The following OR2J1 variants were observed in gnomAD, a reference collection of about 807,000 sequenced individuals.
OR2J1 encodes the protein olfactory receptor family 2 subfamily J member 1.
OR2J1 carries 10 observed loss-of-function variants against 10.2 expected under a neutral mutation model. That is an observed-to-expected ratio of 0.98 (90% CI 0.60 to 1.66). The LOEUF (loss-of-function observed/expected upper bound fraction) is 1.66, where lower values mean the gene tolerates loss of function less well. Ranked by LOEUF, OR2J1 falls within the 40% of genes most tolerant of loss-of-function variation. The pLI is 0.00. For missense variants in OR2J1, 317 were observed against 379.4 expected (o/e 0.84, Z 1.37); for synonymous variants, 143 against 138.8 (o/e 1.03, Z -0.21).
rs747456538 is a variant in OR2J1, at chr6:29,101,781, C to G, written c.839C>G (p.Thr280Ser). The G allele has an allele frequency of 2.5e-6, 4 of 1,609,176 alleles. No individual in the cohort carries two copies. Among genetic ancestry groups the G allele is most frequent in the Non-Finnish European group, 3.4e-6 (4 of 1,175,460 alleles). ...GGCAAGTTCATTGCCCTCTTTTACA[C>G]TGTTGTCACACCTAGTCTTAACCCT... ...DQGKFIALFY[T>S]VVTPSLNPLI... Residue 280 changes from threonine to serine, a missense_variant, in exon 2 of 2, where the codon ACT (threonine) becomes AGT (serine). Physicochemically the swap from Thr to Ser is moderately conservative, Grantham distance 58. Coordinates refer to ENST00000641659, the MANE Select transcript of OR2J1 (RefSeq NM_001348294.2).
At position 29,101,272 on chromosome 6, in the gene OR2J1, C is replaced by T. The variant is rs571295086; in HGVS notation, c.330C>T (p.Thr110=). Residue 110 remains threonine (T), a synonymous_variant, in exon 2 of 2, where the codon ACC becomes ACT. Transcript: ENST00000641659. ...VQLYFVLALG[T]AECVLLVVMS... ...TTTACTTTGTTCTCGCACTGGGAAC[C>T]GCAGAGTGTGTCCTACTGGTGGTGA... The T allele has an allele frequency of 1.0e-5, 16 of 1,600,994 alleles. No individual in the cohort carries two copies. The highest frequency in any genetic ancestry group is 3.3e-5 in the South Asian group (3 of 90,766).
Position 29,101,995 on chromosome 6 carries a change from G to C in OR2J1, c.*114G>C. ...CTAACAGCTCACAAAACATGGAATA[G>C]TTCAGTTCCCCCATTTGTTGCTCTG... On this transcript the variant is annotated 3_prime_UTR_variant, in exon 2 of 2. Transcript: ENST00000641659. 1 of 598,800 alleles carries C rather than the reference G, an allele frequency of 1.7e-6. No homozygotes were observed. The highest frequency in any genetic ancestry group is 2.1e-5 in the South Asian group (1 of 47,178). The allele number at this position is 598,800 out of a possible 1,614,324, so 37.1% of individuals were successfully genotyped here. A position where few individuals can be genotyped will look rare whatever the true frequency, so the allele number is the denominator to read the frequency against.
At position 29,101,120 on chromosome 6, in the gene OR2J1, ATG is replaced by A. The variant is rs776482055; in HGVS notation, c.180_181del (p.Met60IlefsTer62). Reference protein sequence around the residue: ...SYLDSHLHTPMYFFLSNLSFL... With the variant: ...SYLDSHLHTPXYFFLSNLSFL... ...CCTGGACTCCCATCTCCACACTCCC[ATG>A]TACTTCTTCCTTTCAAATCTCTCAT... is the stretch of plus-strand genomic sequence containing the variant. On this transcript the variant is annotated frameshift_variant, in exon 2 of 2. Coordinates refer to ENST00000641659, the MANE Select transcript of OR2J1 (RefSeq NM_001348294.2). LOFTEE classifies it low-confidence loss of function (END_TRUNC). 24 of 1,569,364 alleles carry A rather than the reference ATG, an allele frequency of 1.5e-5. No homozygotes were observed. The South Asian group carries it at 2.4e-4, about 16-fold the overall frequency.
chr6:29,102,492 G>T lies in OR2J1; in HGVS notation c.*611G>T, dbSNP rs1761699188. ...CAGTAAACTAATATCTCTTTAAAAT[G>T]GCTGATTCGTTCATCTGTCCATTTA... is the stretch of plus-strand genomic sequence containing the variant. On this transcript the variant is annotated 3_prime_UTR_variant, in exon 2 of 2. Coordinates refer to ENST00000641659, the MANE Select transcript of OR2J1 (RefSeq NM_001348294.2). 1 of 152,130 alleles carries T rather than the reference G, an allele frequency of 6.6e-6. No individual in the cohort carries two copies. Among genetic ancestry groups the T allele is most frequent in the Non-Finnish European group, 1.5e-5 (1 of 68,042 alleles). The allele number at this position is 152,130 out of a possible 1,614,324, so 9.4% of individuals were successfully genotyped here. A position where few individuals can be genotyped will look rare whatever the true frequency, so the allele number is the denominator to read the frequency against.
Position 29,101,867 on chromosome 6 carries a change from G to T in OR2J1, c.925G>T (p.Glu309Ter), listed in dbSNP as rs764415057. 44 of 1,261,100 alleles carry T rather than the reference G, an allele frequency of 3.5e-5. No homozygotes were observed. The highest frequency in any genetic ancestry group is 1.9e-4 in the Middle Eastern group (1 of 5,358). The allele number at this position is 1,261,100 out of a possible 1,614,324, so 78.1% of individuals were successfully genotyped here. Residue 309 changes from glutamate to a stop codon, truncating the protein, a stop_gained, in exon 2 of 2, where the codon GAA (glutamate) becomes TAA (stop). Transcript: ENST00000641659. LOFTEE classifies it high-confidence loss of function. ...RGAVKRLMGW[E>*]WGM ...GGCAGTGAAGAGACTAATGGGGTGG[G>T]AATGGGGGATGTGACAGGGAAATCA...
chr6:29,100,643 T>C (rs1761537499), intron 1 of OR2J1, 117 bp from the exon 2 acceptor site: 1 of 207,470 alleles, frequency 4.8e-6, no homozygotes, highest in African/African-American at 2.3e-5. Flanking sequence ...AAAATTATTT[T>C]CTTAAATATT....
rs747649322 is a variant in OR2J1, at chr6:29,099,524, A to C, written c.-518A>C. 7.2e-5 allele frequency: 11 copies of C among 152,144 alleles called. No homozygotes were observed. The highest frequency in any genetic ancestry group is 2.1e-4 in the South Asian group (1 of 4,832). 9.4% of individuals were successfully genotyped at this position (152,144 alleles called of 1,614,324 possible). ...AGTAAGGAAGTCAGGCAGCTGCATT[A>C]GGAAAGAAAATTATACCTGCATTAG... On this transcript the variant is annotated 5_prime_UTR_variant, in exon 1 of 2. Transcript: ENST00000641659.
chr6:29,100,506 C>G (rs766133754), intron 1 of OR2J1: 46 of 153,410 alleles, frequency 3.0e-4, no homozygotes, highest in Admixed American at 1.3e-3. Context: ...CCTAATTGCT[C>G]TTTAACATGG....
chr6:29,101,329 A>T lies in OR2J1; in HGVS notation c.387A>T (p.Arg129Ser), dbSNP rs567441888. Residue 129 changes from arginine (R) to serine (S), a missense_variant, in exon 2 of 2, where the codon AGA (arginine) becomes AGT (serine). Physicochemically the swap from Arg to Ser is moderately radical, Grantham distance 110. Transcript: ENST00000641659. ...MSYDRYAAVC[R>S]PLHYTVLMHP... Reference sequence around the variant, plus strand: ...ATGATCGTTATGCAGCTGTGTGTAGACCTTTGCATTACACTGTCCTCATGC... The same window carrying T: ...ATGATCGTTATGCAGCTGTGTGTAGTCCTTTGCATTACACTGTCCTCATGC... 71 of 1,602,548 alleles carry T rather than the reference A, an allele frequency of 4.4e-5. 1 individual carries two copies. In the African/African-American group the frequency reaches 9.2e-4, roughly 21 times the overall value.
In OR2J1 at chr6:29,101,502, G is replaced by A. The variant is rs774927957; in HGVS notation, c.560G>A (p.Arg187Gln). Reference sequence around the variant, plus strand: ...TTCTGTGAAGTTCCAGCACTTCTGCGATTATCATGTGTTGATACCCAGGCA... The same window carrying A: ...TTCTGTGAAGTTCCAGCACTTCTGCAATTATCATGTGTTGATACCCAGGCA... Reference protein sequence around the residue: ...HFFCEVPALLRLSCVDTQANE... With the variant: ...HFFCEVPALLQLSCVDTQANE... The change falls in exon 2 of 2, where the codon CGA becomes CAA. Residue 187 changes from arginine to glutamine, a missense_variant. Arg to Gln is a conservative substitution (Grantham distance 43). Transcript: ENST00000641659. The A allele has an allele frequency of 7.9e-6, 12 of 1,522,426 alleles. No individual in the cohort carries two copies. The African/African-American group carries it at 9.5e-5, about 12-fold the overall frequency. The allele number at this position is 1,522,426 out of a possible 1,614,324, so 94.3% of individuals were successfully genotyped here.
rs1376420471 is a variant in OR2J1 at position 29,102,146 on chromosome 6, G to A, written c.*265G>A. ...CTGTGGTTTCAACATAAATAAATGT[G>A]TGTGTGAATAATTATGAGGAGATTA... is the stretch of plus-strand genomic sequence containing the variant. On this transcript the variant is annotated 3_prime_UTR_variant, in exon 2 of 2. Transcript: ENST00000641659. 1 of 382,892 alleles carries A rather than the reference G, an allele frequency of 2.6e-6. No homozygotes were observed. Among genetic ancestry groups the A allele is most frequent in the Non-Finnish European group, 4.6e-6 (1 of 215,628 alleles). 23.7% of individuals were successfully genotyped at this position (382,892 alleles called of 1,614,324 possible). A position where few individuals can be genotyped will look rare whatever the true frequency, so the allele number is the denominator to read the frequency against.
chr6:29,100,194 G>A (rs962904575), intron 1 of OR2J1, among the ~76,000 whole-genome samples: 6 of 152,080 alleles, frequency 3.9e-5, no homozygotes, highest in South Asian at 4.1e-4. Context: ...TACACCTCCC[G>A]GTGTTTTTGT....
At position 29,101,207 on chromosome 6, in the gene OR2J1, C is replaced by G; in HGVS notation, c.265C>G (p.Pro89Ala). 1.3e-6 allele frequency: 2 copies of G among 1,596,760 alleles called. No homozygotes were observed. The highest frequency in any genetic ancestry group is 1.1e-5 in the South Asian group (1 of 90,672). Residue 89 changes from proline to alanine, a missense_variant, in exon 2 of 2, where the codon CCG (proline) becomes GCG (alanine). Physicochemically the swap from Pro to Ala is conservative, Grantham distance 27. Transcript: ENST00000641659. ...TCAGTTGCTGGTGAATCTCTGGGGC[C>G]CGGAAAAGACCATCTCTTATGCTGG... ...IPQLLVNLWG[P>A]EKTISYAGCT... is the part of the protein sequence containing the mutation.
Position 29,101,693 on chromosome 6 carries a change from C to G in OR2J1, c.751C>G (p.Leu251Val), listed in dbSNP as rs1015514519. ...TCGAHLMVVS[L>V]FFIPVMCMYL... is the part of the protein sequence containing the mutation. ...TGGAGCCCATCTTATGGTTGTATCT[C>G]TCTTTTTCATTCCAGTCATGTGCAT... The change falls in exon 2 of 2, where the codon CTC becomes GTC. Residue 251 changes from leucine to valine, a missense_variant. Leu to Val is a conservative substitution (Grantham distance 32, BLOSUM62 1). Coordinates refer to ENST00000641659, the MANE Select transcript of OR2J1 (RefSeq NM_001348294.2). 1.5e-5 allele frequency: 24 copies of G among 1,613,662 alleles called. No individual in the cohort carries two copies. The highest frequency in any genetic ancestry group is 2.0e-5 in the Non-Finnish European group (24 of 1,179,682).
At position 29,099,506 on chromosome 6, in the gene OR2J1, AAGTC is replaced by A. The variant is rs1761459540; in HGVS notation, c.-533_-530del. ...TCACCTTTTAATTACTGTAGTAAGG[AAGTC>A]AGGCAGCTGCATTAGGAAAGAAAAT... is the stretch of plus-strand genomic sequence containing the variant. On this transcript the variant is annotated 5_prime_UTR_variant, in exon 1 of 2. Transcript: ENST00000641659. Among the ~76,000 whole-genome samples the A allele has an allele frequency of 6.6e-6, 1 of 152,078 alleles. No individual in the cohort carries two copies. The highest frequency in any genetic ancestry group is 6.6e-5 in the Admixed American group (1 of 15,252).
intron 1 of OR2J1, among the ~76,000 whole-genome samples, chr6:29,100,122 C>G (rs776948395): frequency 1.3e-5 from 2 of 152,182 alleles, no homozygotes; most frequent in Non-Finnish European, 1.5e-5. Context: ...CTTTCAATTT[C>G]AAATGCCACA....
rs574204103 is a variant in OR2J1, at chr6:29,101,490, C to T, written c.548C>T (p.Pro183Leu). 3.3e-6 allele frequency: 5 copies of T among 1,507,766 alleles called. No homozygotes were observed. The highest frequency in any genetic ancestry group is 1.4e-5 in the African/African-American group (1 of 73,550). The allele number at this position is 1,507,766 out of a possible 1,614,324, so 93.4% of individuals were successfully genotyped here. A position where few individuals can be genotyped will look rare whatever the true frequency, so the allele number is the denominator to read the frequency against. The change falls in exon 2 of 2, where the codon CCA becomes CTA. Residue 183 changes from proline to leucine, a missense_variant. By Grantham distance (98) the Pro-to-Leu change is moderately conservative. Transcript: ENST00000641659. ...RLVDHFFCEVPALLRLSCVDT... is the reference protein window; with the variant it reads ...RLVDHFFCEVLALLRLSCVDT... ...GTGGATCACTTCTTCTGTGAAGTTC[C>T]AGCACTTCTGCGATTATCATGTGTT...
Position 29,100,898 on chromosome 6 carries a change from C to A in OR2J1, c.-45C>A. ...GAGCAGTTGGCAATGCATGGACAGA[C>A]TTTGAGTTTATGCGATTCTTTCTTT... On this transcript the variant is annotated 5_prime_UTR_variant, in exon 2 of 2. Transcript: ENST00000641659. The A allele has an allele frequency of 1.1e-6, 1 of 898,248 alleles. No homozygotes were observed. The highest frequency in any genetic ancestry group is 1.8e-6 in the Non-Finnish European group (1 of 553,918). The allele number at this position is 898,248 out of a possible 1,614,324, so 55.6% of individuals were successfully genotyped here. A position where few individuals can be genotyped will look rare whatever the true frequency, so the allele number is the denominator to read the frequency against.
At position 29,101,370 on chromosome 6, in the gene OR2J1, G is replaced by T. The variant is rs555333107; in HGVS notation, c.428G>T (p.Arg143Leu). The T allele has an allele frequency of 6.3e-7, 1 of 1,593,766 alleles. No homozygotes were observed. Among genetic ancestry groups the T allele is most frequent in the Non-Finnish European group, 8.6e-7 (1 of 1,161,444 alleles). Residue 143 changes from arginine to leucine, a missense_variant, in exon 2 of 2, where the codon CGC becomes CTC. Transcript: ENST00000641659. ...YTVLMHPRFC[R>L]LLAAASWVSG... Reference sequence around the variant, plus strand: ...GTCCTCATGCACCCTCGTTTCTGCCGCTTGTTGGCTGCGGCTTCTTGGGTA... The same window carrying T: ...GTCCTCATGCACCCTCGTTTCTGCCTCTTGTTGGCTGCGGCTTCTTGGGTA...
Sources: gnomAD v4.1 joint callset for allele counts (sites outside exome capture counted in the v4.1 genomes callset) on GRCh38, gnomAD v4.1.1 for gene constraint, MANE v1.5 for transcripts, NCBI Gene and HGNC (gene_info 2026-07-23, HGNC 2026-07-21) for gene names.